Variants in NRP2 observed in about 807,000 individuals in gnomAD.
NRP2 encodes neuropilin-2.
A neutral mutation model predicts 110.4 loss-of-function variants in NRP2; 52 were observed. The observed-to-expected ratio is 0.47, with a 90% CI of 0.38 to 0.59. NRP2 has a LOEUF of 0.59. Ranked by LOEUF, NRP2 falls within the 20% of genes least tolerant of loss-of-function variation. The pLI, the probability that NRP2 is intolerant of heterozygous loss-of-function variation, is 0.00. For missense variants in NRP2, 1,049 were observed against 1,203.0 expected (o/e 0.87, Z 1.89); for synonymous variants, 508 against 468.9 (o/e 1.08, Z -1.08).
intron 15 of NRP2, among the ~76,000 whole-genome samples, chr2:205,780,231 G>A (rs1351234515): frequency 6.6e-6 from 1 of 152,166 alleles, no homozygotes; most frequent in Non-Finnish European, 1.5e-5. Flanking sequence ...CTTGTAGCAT[G>A]TTCAGGGCTG....
intron 2 of NRP2, 148 bp from the exon 3 acceptor site, chr2:205,716,045 T>G (rs968074722): frequency 2.7e-5 from 23 of 846,856 alleles, no homozygotes; most frequent in Non-Finnish European, 4.2e-5. Context: ...TTTGCCAGTC[T>G]GTACAAGCAG....
intron 11 of NRP2, among the ~76,000 whole-genome samples, chr2:205,750,310 C>T (rs946713391): frequency 1.3e-5 from 2 of 152,218 alleles, no homozygotes; most frequent in African/African-American, 2.4e-5. Flanking sequence ...TTACCTGTGA[C>T]TTAATTGTGT....
chr2:205,731,841 C>T (rs1032738965), intron 7 of NRP2, among the ~76,000 whole-genome samples: 5 of 152,162 alleles, frequency 3.3e-5, no homozygotes, highest in Non-Finnish European at 7.4e-5. Flanking sequence ...GCACTGAGTT[C>T]ATCACATTAA....
chr2:205,698,221 TAA>T (rs35600028), intron 2 of NRP2, among the ~76,000 whole-genome samples: 39 of 141,806 alleles, frequency 2.8e-4, no homozygotes, highest in Non-Finnish European at 3.4e-4. Flanking sequence ...AAAAAAAGGG[TAA>T]AAAAAAAAAA....
At chr2:205,765,641 C>A in intron 14 of NRP2, 71 bp downstream of exon 14, 1 of 1,313,254 alleles carries the variant, frequency 7.6e-7, no homozygotes, top group Non-Finnish European at 1.1e-6. Flanking sequence ...CAAGAGGAGG[C>A]AGGACACCAT....
Position 205,766,808 on chromosome 2 carries a change from G to A in NRP2, c.2425+5G>A. 1 of 1,611,626 alleles carries A rather than the reference G, an allele frequency of 6.2e-7. No individual in the cohort carries two copies. The highest frequency in any genetic ancestry group is 8.5e-7 in the Non-Finnish European group (1 of 1,179,744). ...AACCCATCTCGGCTTTTGCAGGTGA[G>A]AATTTTAAAGGTAAAAAAAAATTTT... On this transcript the variant is annotated splice_donor_5th_base_variant and intron_variant, in intron 15 of 16. Transcript: ENST00000357785.
chr2:205,723,716 G>T, intron 4 of NRP2, 69 bp from the exon 5 acceptor site: 2 of 1,526,854 alleles, frequency 1.3e-6, no homozygotes, highest in South Asian at 1.2e-5. Context: ...TGAGGGGAAG[G>T]GAAAACGGAG....
At chr2:205,765,344 GCAA>G (rs1234964932) in intron 13 of NRP2, 127 bp from the exon 14 acceptor site, 1 of 739,432 alleles carries the variant, frequency 1.4e-6, no homozygotes, top group Non-Finnish European at 2.4e-6. Context: ...TGTACCAGGT[GCAA>G]TAACACACAC....
At chr2:205,713,175 G>T (rs577801259) in intron 2 of NRP2, among the ~76,000 whole-genome samples, 1 of 152,278 alleles carries the variant, frequency 6.6e-6, no homozygotes, top group East Asian at 1.9e-4. Flanking sequence ...CTCCATGGGT[G>T]ATTAGGCAAC....
rs138152465 is a variant in NRP2 at position 205,737,843 on chromosome 2, T to C, written c.1147-2676T>C. ...TGCCTCCCTTCCTGAGTGGTGCTAC[T>C]GTAAGCAGAGATTAGGGGGTTCACC... On this transcript the variant is annotated intron_variant, in intron 7 of 16. Transcript: ENST00000357785. Among the ~76,000 whole-genome samples the C allele has an allele frequency of 5.9e-5, 9 of 152,298 alleles. 1 individual carries two copies. In the East Asian group the frequency reaches 1.7e-3, roughly 29 times the overall value.
intron 1 of NRP2, among the ~76,000 whole-genome samples, chr2:205,695,930 G>A (rs1162371209): frequency 6.6e-6 from 1 of 152,154 alleles, no homozygotes; most frequent in Non-Finnish European, 1.5e-5. Context: ...GGGTGGGAGG[G>A]ATGAGCTCAT....
At chr2:205,714,994 G>T (rs1049997377) in intron 2 of NRP2, among the ~76,000 whole-genome samples, 20 of 152,130 alleles carry the variant, frequency 1.3e-4, no homozygotes, top group African/African-American at 4.6e-4. Flanking sequence ...CTCCTTACCC[G>T]CAAGGAAGAG....
chr2:205,734,399 G>GCCCC (rs201261642), intron 7 of NRP2, among the ~76,000 whole-genome samples: 9 of 90,528 alleles, frequency 9.9e-5, no homozygotes, highest in African/African-American at 3.2e-4. Context: ...ATTTCCCACC[G>GCCCC]CCCCCCCCCA....
chr2:205,716,988 G>A (rs1052893619), intron 3 of NRP2, among the ~76,000 whole-genome samples: 2 of 152,182 alleles, frequency 1.3e-5, no homozygotes, highest in Non-Finnish European at 2.9e-5. Flanking sequence ...AAGAGTCAGA[G>A]GGCACTGCAC....
chr2:205,755,576 C>T (rs755583509), intron 12 of NRP2, among the ~76,000 whole-genome samples: 67 of 149,264 alleles, frequency 4.5e-4, no homozygotes, highest in Non-Finnish European at 8.4e-4. Context: ...AAAGCCCTTT[C>T]TGTTCAGGGT....
intron 1 of NRP2, among the ~76,000 whole-genome samples, chr2:205,691,652 G>A (rs1368130378): frequency 6.6e-6 from 1 of 152,100 alleles, no homozygotes; most frequent in Non-Finnish European, 1.5e-5. Flanking sequence ...TTTTTGGAGA[G>A]ACCTCAAAAT....
chr2:205,724,685 C>G (rs1358986571), intron 5 of NRP2, among the ~76,000 whole-genome samples: 5 of 95,344 alleles, frequency 5.2e-5, no homozygotes, highest in African/African-American at 2.1e-4. Context: ...TTTTTTGAGA[C>G]AGAGTCTCTC....
Position 205,725,212 on chromosome 2 carries a change from A to G in NRP2, c.821-701A>G, listed in dbSNP as rs2057105290. Reference sequence around the variant, plus strand: ...TCAGTGCAGTCACAGAGTAAAGAATAGGTTGATACCTGATAAGGATTGCTG... The same window carrying G: ...TCAGTGCAGTCACAGAGTAAAGAATGGGTTGATACCTGATAAGGATTGCTG... On this transcript the variant is annotated intron_variant, in intron 5 of 16. Transcript: ENST00000357785. This position sits in a 1 kb window ranked among gnomAD's most constrained non-coding sequence, Gnocchi z 4.1. Among the ~76,000 whole-genome samples the G allele has an allele frequency of 6.6e-6, 1 of 152,236 alleles. No individual in the cohort carries two copies. Among genetic ancestry groups the G allele is most frequent in the African/African-American group, 2.4e-5 (1 of 41,462 alleles).
chr2:205,752,896 T>C lies in NRP2; in HGVS notation c.1965T>C (p.Cys655=). 1 of 1,614,230 alleles carries C rather than the reference T, an allele frequency of 6.2e-7. No individual in the cohort carries two copies. The highest frequency in any genetic ancestry group is 8.5e-7 in the Non-Finnish European group (1 of 1,180,040). Residue 655 remains cysteine, a synonymous_variant, in exon 12 of 17, where the codon TGT becomes TGC. Transcript: ENST00000357785. ...ACTTCGATTTCCTCGAGGAGCCCTGTGGTTGGATGTATGACCATGCCAAGT... is the reference window on the plus strand; with the variant it reads ...ACTTCGATTTCCTCGAGGAGCCCTGCGGTTGGATGTATGACCATGCCAAGT... ...NCNFDFLEEP[C]GWMYDHAKWL...
Sources: allele counts gnomAD v4.1 joint callset (sites outside exome capture counted in the v4.1 genomes callset), GRCh38; gene constraint gnomAD v4.1.1; non-coding constraint Gnocchi (gnomAD v3.1); transcripts MANE v1.5; gene names NCBI Gene and HGNC (gene_info 2026-07-23, HGNC 2026-07-21).